Variants in C2CD5 observed in about 807,000 individuals in gnomAD.
The protein encoded by C2CD5 is C2 domain-containing protein 5.
In C2CD5, 109 loss-of-function variants were observed where a neutral mutation model predicts 130.3. The ratio of observed to expected loss-of-function variants is 0.84; its 90% CI spans 0.72 to 0.98. C2CD5 has a LOEUF of 0.98. Among genes scored for constraint, C2CD5 ranks in the 50% least tolerant of loss-of-function variants. The pLI is 0.00. For synonymous variants in C2CD5, 454 were observed against 429.2 expected, an observed-to-expected ratio of 1.06 and a Z score of -0.71; for missense variants, 996 against 1,261.8, an observed-to-expected ratio of 0.79 and a Z score of 3.19.
intron 9 of C2CD5, 82 bp downstream of exon 9, chr12:22,513,212 G>A (rs1395712039): frequency 9.8e-7 from 1 of 1,018,674 alleles, no homozygotes; most frequent in Non-Finnish European, 1.5e-6. Context: ...AACAGTTCAT[G>A]AAAACATGCA....
At chr12:22,497,931 C>A (rs1174988018) in intron 10 of C2CD5, among the ~76,000 whole-genome samples, 1 of 145,730 alleles carries the variant, frequency 6.9e-6, no homozygotes, top group East Asian at 2.0e-4. Context: ...CACACACACA[C>A]ACACACACAC....
intron 10 of C2CD5, among the ~76,000 whole-genome samples, chr12:22,506,412 T>C (rs960323978): frequency 6.6e-6 from 1 of 152,078 alleles, no homozygotes; most frequent in African/African-American, 2.4e-5. Context: ...CTAATGGCCA[T>C]AATGGTCAAT....
chr12:22,470,462 A>C (rs1230668162), intron 21 of C2CD5, among the ~76,000 whole-genome samples: 1 of 151,664 alleles, frequency 6.6e-6, no homozygotes, highest in East Asian at 1.9e-4. Context: ...TGAAAATAAT[A>C]CACAGGCACA....
At chr12:22,496,630 A>T (rs1266391388) in intron 10 of C2CD5, among the ~76,000 whole-genome samples, 1 of 150,316 alleles carries the variant, frequency 6.7e-6, no homozygotes, top group Non-Finnish European at 1.5e-5. Flanking sequence ...TTATTATTTT[A>T]GGAAAATTTA....
intron 22 of C2CD5, among the ~76,000 whole-genome samples, chr12:22,465,010 A>G (rs2136097481): frequency 6.6e-6 from 1 of 152,298 alleles, no homozygotes; most frequent in East Asian, 1.9e-4. Context: ...AAGAAAAAAA[A>G]TCTAATTTGG....
intron 10 of C2CD5, among the ~76,000 whole-genome samples, chr12:22,497,907 T>TATACAC (rs1947243375): frequency 1.4e-5 from 2 of 145,728 alleles, no homozygotes; most frequent in African/African-American, 2.5e-5. Context: ...TGCACACACA[T>TATACAC]ACACACACAC....
intron 18 of C2CD5, 31 bp from the exon 19 acceptor site, chr12:22,472,096 T>C (rs1406563698): frequency 1.6e-6 from 2 of 1,236,052 alleles, no homozygotes; most frequent in Admixed American, 3.8e-5. Flanking sequence ...CATGTCATTT[T>C]ATTATTTTTA....
At chr12:22,477,247 A>G (rs1358768638) in intron 15 of C2CD5, 1 of 152,200 alleles carries the variant, frequency 6.6e-6, no homozygotes, top group Non-Finnish European at 1.5e-5. Flanking sequence ...AATCCAGTGT[A>G]TATTTTATAC....
chr12:22,471,787 T>C (rs959235296), intron 19 of C2CD5, among the ~76,000 whole-genome samples, 180 bp downstream of exon 19: 12 of 151,986 alleles, frequency 7.9e-5, no homozygotes, highest in Non-Finnish European at 1.5e-4. Flanking sequence ...TTTTATAATT[T>C]GATATAGTAA....
At chr12:22,502,765 A>G (rs1367476850) in intron 10 of C2CD5, 1 of 1,531,564 alleles carries the variant, frequency 6.5e-7, no homozygotes, top group Non-Finnish European at 8.7e-7. Context: ...CCAGTCTAGC[A>G]GTTTGTAAGA....
intron 12 of C2CD5, among the ~76,000 whole-genome samples, chr12:22,486,725 T>C (rs986425987): frequency 6.6e-6 from 1 of 152,248 alleles, no homozygotes; most frequent in Admixed American, 6.5e-5. Context: ...TTTAATAGAA[T>C]ATTTCTTAAA....
At chr12:22,527,344 T>C (rs1044225560) in intron 4 of C2CD5, among the ~76,000 whole-genome samples, 13 of 148,274 alleles carry the variant, frequency 8.8e-5, no homozygotes, top group Non-Finnish European at 1.9e-4. Flanking sequence ...TTTTTTTTTT[T>C]TTTTGAGCTA....
chr12:22,467,482 G>A (rs1415883308), intron 22 of C2CD5, among the ~76,000 whole-genome samples: 1 of 152,160 alleles, frequency 6.6e-6, no homozygotes. Flanking sequence ...TGACCTTGGG[G>A]TCTAATTTAG....
chr12:22,532,080 C>A (rs113498525), intron 3 of C2CD5, among the ~76,000 whole-genome samples: 6,185 of 152,212 alleles, frequency 0.041, 420 homozygotes, highest in African/African-American at 0.14. Flanking sequence ...CCTGTAATCC[C>A]AGCACTTTGG....
chr12:22,530,111 T>TATAC (rs1301636778), intron 3 of C2CD5, among the ~76,000 whole-genome samples: 538 of 87,458 alleles, frequency 6.2e-3, no homozygotes, highest in African/African-American at 0.012. Context: ...TATATATATA[T>TATAC]ACACACACAC....
At chr12:22,469,919 G>C in intron 21 of C2CD5, 124 bp from the exon 22 acceptor site, 1 of 536,640 alleles carries the variant, frequency 1.9e-6, no homozygotes, top group Non-Finnish European at 3.2e-6. Flanking sequence ...AATTTATTCT[G>C]GTCATTTTCT....
chr12:22,508,069 TG>T (rs1565754198), intron 9 of C2CD5, among the ~76,000 whole-genome samples: 1 of 152,194 alleles, frequency 6.6e-6, no homozygotes, highest in Non-Finnish European at 1.5e-5. Context: ...ATTCACTGGC[TG>T]CTTCAAGCAT....
intron 22 of C2CD5, among the ~76,000 whole-genome samples, chr12:22,462,631 A>G (rs1941375968): frequency 6.6e-6 from 1 of 152,202 alleles, no homozygotes; most frequent in Non-Finnish European, 1.5e-5. Flanking sequence ...CCTCCCTCAA[A>G]CAGACATTCT....
chr12:22,535,111 C>T, intron 3 of C2CD5, 147 bp downstream of exon 3: 2 of 623,750 alleles, frequency 3.2e-6, no homozygotes, highest in Admixed American at 3.2e-5. Flanking sequence ...TTTTTTTAGA[C>T]TCAATATTCC....
Sources: gnomAD v4.1 joint callset for allele counts (sites outside exome capture counted in the v4.1 genomes callset) on GRCh38, gnomAD v4.1.1 for gene constraint, MANE v1.5 for transcripts, NCBI Gene and HGNC (gene_info 2026-07-23, HGNC 2026-07-21) for gene names.